Variants in ETV6 observed in about 807,000 individuals in gnomAD.
ETV6 encodes the protein transcription factor ETV6.
In ETV6, 16 loss-of-function variants were observed where a neutral mutation model predicts 51.1. The ratio of observed to expected loss-of-function variants is 0.31; its 90% confidence interval spans 0.21 to 0.48. ETV6 has a LOEUF of 0.48. ETV6 is among the 20% of genes least tolerant of loss of function. The pLI, the probability that ETV6 is intolerant of heterozygous loss-of-function variation, is 0.99. For missense variants in ETV6, 458 were observed against 594.8 expected, an observed-to-expected ratio of 0.77 and a Z score of 2.39; for synonymous variants, 240 against 224.1, an observed-to-expected ratio of 1.07 and a Z score of -0.64.
At chr12:11,749,349 ACC>A (rs1245311413) in intron 1 of ETV6, among the ~76,000 whole-genome samples, 1 of 123,670 alleles carries the variant, frequency 8.1e-6, no homozygotes, top group Non-Finnish European at 1.7e-5. Context: ...ACACACACAC[ACC>A]CCTACTCCCC....
chr12:11,714,941 A>C (rs994086689), intron 1 of ETV6, among the ~76,000 whole-genome samples: 3 of 152,164 alleles, frequency 2.0e-5, no homozygotes, highest in African/African-American at 7.2e-5. Context: ...TGGAAGGTGG[A>C]TTGGAGAAGG....
intron 2 of ETV6, among the ~76,000 whole-genome samples, chr12:11,797,292 C>T (rs74495056): frequency 2.1e-5 from 1 of 47,638 alleles, no homozygotes; most frequent in African/African-American, 6.1e-5. Flanking sequence ...TCCAAAACCT[C>T]GGCTGTACCC....
In ETV6 at chr12:11,650,481, T is replaced by TAAAAAAAAAAAAAAAAAAAAAAA. The variant is rs367594605; in HGVS notation, c.33+335_33+336insAAAAAAAAAAAAAAAAAAAAAAA. Among the ~76,000 whole-genome samples the TAAAAAAAAAAAAAAAAAAAAAAA allele has an allele frequency of 3.5e-4, 15 of 43,324 alleles. 1 individual carries two copies. Among genetic ancestry groups the TAAAAAAAAAAAAAAAAAAAAAAA allele is most frequent in the Non-Finnish European group, 4.6e-4 (11 of 24,168 alleles). 28.4% of individuals were successfully genotyped at this position (43,324 alleles called of 152,430 possible). A position where few individuals can be genotyped will look rare whatever the true frequency, so the allele number is the denominator to read the frequency against. On this transcript the variant is annotated intron_variant, in intron 1 of 7. Transcript: ENST00000396373. ...AAAACACCCCCGTAATTAGTGCGCT[T>TAAAAAAAAAAAAAAAAAAAAAAA]AAAAAAAAAAAAAACAAAAAACAAA...
chr12:11,694,258 G>C (rs987510731), intron 1 of ETV6, among the ~76,000 whole-genome samples: 3 of 152,186 alleles, frequency 2.0e-5, no homozygotes, highest in Non-Finnish European at 2.9e-5. Flanking sequence ...TGACCTCTGT[G>C]AGTCTGCATA....
In ETV6 at chr12:11,668,889, C is replaced by A. The variant is rs1228748903; in HGVS notation, c.33+18729C>A. On this transcript the variant is annotated intron_variant, in intron 1 of 7. Coordinates refer to ENST00000396373, the MANE Select transcript of ETV6 (RefSeq NM_001987.5). Reference sequence around the variant, plus strand: ...CAGCAGACTGGTTCCTTTGGCACATCCCTGTGCTCAAAGATGGGAGGCAGC... The same window carrying A: ...CAGCAGACTGGTTCCTTTGGCACATACCTGTGCTCAAAGATGGGAGGCAGC... Among the ~76,000 whole-genome samples the A allele has an allele frequency of 2.6e-5, 4 of 152,292 alleles. No homozygotes were observed. The South Asian group carries it at 8.3e-4, about 32-fold the overall frequency.
intron 2 of ETV6, among the ~76,000 whole-genome samples, chr12:11,804,669 C>T (rs1400204918): frequency 6.6e-6 from 1 of 152,188 alleles, no homozygotes; most frequent in Non-Finnish European, 1.5e-5. Context: ...CTTCACTCTC[C>T]ATCACCTTTA....
rs577394102 is a variant in ETV6 at position 11,810,985 on chromosome 12, C to T, written c.164-28155C>T. On this transcript the variant is annotated intron_variant, in intron 2 of 7. Transcript: ENST00000396373. ...CTCCAATTCCAATTTTTAAACACCT[C>T]CAATGTCCAGAAAGTTCTTTAAACT... Among the ~76,000 whole-genome samples, 3 of 152,264 alleles carry T rather than the reference C, an allele frequency of 2.0e-5. No homozygotes were observed. The South Asian group carries it at 6.2e-4, about 32-fold the overall frequency.
chr12:11,754,585 C>T (rs1944979052), intron 2 of ETV6, among the ~76,000 whole-genome samples: 1 of 152,204 alleles, frequency 6.6e-6, no homozygotes, highest in Admixed American at 6.5e-5. Context: ...CTCAGTTCTC[C>T]TAGCATACAA....
At chr12:11,753,328 C>T (rs931017398) in intron 2 of ETV6, among the ~76,000 whole-genome samples, 11 of 152,148 alleles carry the variant, frequency 7.2e-5, no homozygotes, top group African/African-American at 2.4e-4. Context: ...CTGCTGTGTC[C>T]TTTTTGTCTG....
At chr12:11,792,484 C>T (rs565717725) in intron 2 of ETV6, among the ~76,000 whole-genome samples, 3 of 151,994 alleles carry the variant, frequency 2.0e-5, no homozygotes, top group Non-Finnish European at 4.4e-5. Context: ...GTCAGGAGTT[C>T]GAGACCAGTC....
chr12:11,705,985 T>TG (rs34419700), intron 1 of ETV6, among the ~76,000 whole-genome samples: 7 of 152,282 alleles, frequency 4.6e-5, no homozygotes, highest in South Asian at 2.1e-4. Context: ...AGCTCCATTT[T>TG]GGGGGGGTCA....
chr12:11,690,179 C>G (rs205538), intron 1 of ETV6, among the ~76,000 whole-genome samples: 68,109 of 149,184 alleles, frequency 0.46, 17,206 homozygotes, highest in Non-Finnish European at 0.57. Context: ...GGGATGCACC[C>G]TTCTTGTCTC....
chr12:11,855,961 A>G (rs1946627668), intron 4 of ETV6, among the ~76,000 whole-genome samples: 1 of 152,208 alleles, frequency 6.6e-6, no homozygotes, highest in Non-Finnish European at 1.5e-5. Context: ...TTTCAGATAC[A>G]AAGGGTATGT....
intron 2 of ETV6, among the ~76,000 whole-genome samples, chr12:11,756,691 C>T (rs1945013183): frequency 6.6e-6 from 1 of 152,078 alleles, no homozygotes; most frequent in African/African-American, 2.4e-5. Flanking sequence ...ATTTGTCTAC[C>T]CAAAGGCCGC....
chr12:11,673,595 G>A (rs1864361001), intron 1 of ETV6, among the ~76,000 whole-genome samples: 2 of 152,120 alleles, frequency 1.3e-5, no homozygotes, highest in Non-Finnish European at 2.9e-5. Context: ...AAAGTATGTT[G>A]GATGAGTGAA....
intron 1 of ETV6, among the ~76,000 whole-genome samples, chr12:11,748,957 G>A (rs895875651): frequency 2.6e-5 from 4 of 151,994 alleles, no homozygotes; most frequent in African/African-American, 7.3e-5. Context: ...ACAGTTTTCT[G>A]CCTTATTTTC....
At chr12:11,679,995 T>A (rs775353951) in intron 1 of ETV6, among the ~76,000 whole-genome samples, 5 of 152,238 alleles carry the variant, frequency 3.3e-5, no homozygotes, top group Non-Finnish European at 7.3e-5. Context: ...ACTAACTGTG[T>A]CCTTGGATAA....
At chr12:11,843,379 G>T (rs1021534386) in intron 3 of ETV6, among the ~76,000 whole-genome samples, 1 of 152,178 alleles carries the variant, frequency 6.6e-6, no homozygotes, top group Non-Finnish European at 1.5e-5. Context: ...GCAGTTTGGT[G>T]TAGTGAAAGT....
At chr12:11,799,954 CA>C (rs371548481) in intron 2 of ETV6, among the ~76,000 whole-genome samples, 56 of 152,244 alleles carry the variant, frequency 3.7e-4, no homozygotes, top group African/African-American at 1.2e-3. Flanking sequence ...CTTGTAGAGA[CA>C]AAGTGTTGCT....
Sources: allele counts gnomAD v4.1 joint callset (sites outside exome capture counted in the v4.1 genomes callset), GRCh38; gene constraint gnomAD v4.1.1; transcripts MANE v1.5; gene names NCBI Gene and HGNC (gene_info 2026-07-23, HGNC 2026-07-21).